The following PCDH9 variants were observed in gnomAD, a reference collection of about 807,000 sequenced individuals.
PCDH9 encodes protocadherin 9.
In PCDH9, 24 loss-of-function variants were observed where a neutral mutation model predicts 70.6. That is an observed-to-expected ratio of 0.34 (90% CI 0.25 to 0.48). The LOEUF is 0.48. PCDH9 is among the 20% of genes least tolerant of loss of function. The pLI is 0.99. For missense variants in PCDH9, 1,281 were observed against 1,503.6 expected, an observed-to-expected ratio of 0.85 and a Z score of 2.45; for synonymous variants, 562 against 558.5, an observed-to-expected ratio of 1.01 and a Z score of -0.09.
chr13:66,840,583 C>A (rs1374668284), intron 3 of PCDH9, among the ~76,000 whole-genome samples: 2 of 152,124 alleles, frequency 1.3e-5, no homozygotes, highest in Non-Finnish European at 2.9e-5. Context: ...TAAATAACTA[C>A]CAGAATTTTA....
At chr13:66,841,164 T>C (rs1228114405) in intron 3 of PCDH9, among the ~76,000 whole-genome samples, 1 of 152,222 alleles carries the variant, frequency 6.6e-6, no homozygotes, top group Non-Finnish European at 1.5e-5. Flanking sequence ...AAAAGACAGA[T>C]AGCTTTAAAA....
chr13:66,619,469 A>T (rs559290989), intron 4 of PCDH9, among the ~76,000 whole-genome samples: 3 of 152,300 alleles, frequency 2.0e-5, no homozygotes, highest in African/African-American at 7.2e-5. Context: ...TTAAGTGTGT[A>T]ACACTGATTT....
At chr13:66,788,396 A>G (rs2080112015) in intron 3 of PCDH9, among the ~76,000 whole-genome samples, 1 of 152,186 alleles carries the variant, frequency 6.6e-6, no homozygotes, top group Non-Finnish European at 1.5e-5. Context: ...ACCTTGGGTA[A>G]GTTATATGAT....
At chr13:66,366,787 TG>T (rs1340493297) in intron 4 of PCDH9, among the ~76,000 whole-genome samples, 1 of 152,074 alleles carries the variant, frequency 6.6e-6, no homozygotes, top group African/African-American at 2.4e-5. Context: ...AATAAATAAT[TG>T]ATTTCATTAT....
intron 2 of PCDH9, among the ~76,000 whole-genome samples, chr13:67,008,504 C>G (rs2084394863): frequency 6.6e-6 from 1 of 152,074 alleles, no homozygotes; most frequent in South Asian, 2.1e-4. Flanking sequence ...CCTCTTTACC[C>G]CACTGGCTAC....
At chr13:67,224,691 C>A (rs1233517524) in intron 2 of PCDH9, 2 of 399,046 alleles carry the variant, frequency 5.0e-6, no homozygotes, top group South Asian at 2.1e-4. Context: ...TGGATTCATT[C>A]TTTTCTTTTT....
At position 66,387,542 on chromosome 13, in the gene PCDH9, G is replaced by GT. The variant is rs1354367104; in HGVS notation, c.3341-82515dup. Among the ~76,000 whole-genome samples, 633 of 131,490 alleles carry GT rather than the reference G, an allele frequency of 4.8e-3. 20 individuals carry two copies. In the East Asian group the frequency reaches 0.072, roughly 15 times the overall value. The allele number at this position is 131,490 out of a possible 152,430, so 86.3% of individuals were successfully genotyped here. ...CTCTTATTTCCCACATGATCTGGTG[G>GT]TAAAAAAAAAAAAAAAAAAAGTCCA... is the stretch of plus-strand genomic sequence containing the variant. On this transcript the variant is annotated intron_variant, in intron 4 of 4. Coordinates refer to ENST00000377865, the MANE Select transcript of PCDH9 (RefSeq NM_203487.3).
At chr13:66,712,512 T>TA (rs920361404) in intron 3 of PCDH9, among the ~76,000 whole-genome samples, 35 of 152,018 alleles carry the variant, frequency 2.3e-4, no homozygotes, top group African/African-American at 6.7e-4. Flanking sequence ...TGAGAAAATT[T>TA]AAAAAAAACT....
intron 4 of PCDH9, among the ~76,000 whole-genome samples, chr13:66,348,931 G>A (rs188257526): frequency 3.0e-4 from 45 of 151,984 alleles, no homozygotes; most frequent in African/African-American, 8.0e-4. Context: ...CCCTTGTGTC[G>A]TGGGAATTTT....
chr13:67,166,839 T>C lies in PCDH9; in HGVS notation c.3036+58566A>G, dbSNP rs77316774. Among the ~76,000 whole-genome samples, 22 of 152,282 alleles carry C rather than the reference T, an allele frequency of 1.4e-4. No individual in the cohort carries two copies. In the East Asian group the frequency reaches 4.2e-3, roughly 29 times the overall value. On this transcript the variant is annotated intron_variant, in intron 2 of 4. Transcript: ENST00000377865. Reference sequence around the variant, plus strand: ...TGTCTGGCTAAAAGACCATCACTTGTTTATCCTTTTTTTGACTATCTGGAA... The same window carrying C: ...TGTCTGGCTAAAAGACCATCACTTGCTTATCCTTTTTTTGACTATCTGGAA...
intron 4 of PCDH9, among the ~76,000 whole-genome samples, chr13:66,609,335 A>G (rs549460550): frequency 6.6e-6 from 1 of 152,286 alleles, no homozygotes; most frequent in Non-Finnish European, 1.5e-5. Flanking sequence ...TAATATAAAT[A>G]TATTTCTTTT....
chr13:66,601,589 C>A (rs2077166169), intron 4 of PCDH9, among the ~76,000 whole-genome samples: 1 of 146,210 alleles, frequency 6.8e-6, no homozygotes, highest in Non-Finnish European at 1.5e-5. Flanking sequence ...TGACTGTCAT[C>A]ATTAGTATCA....
At chr13:66,513,302 T>C (rs1210851333) in intron 4 of PCDH9, among the ~76,000 whole-genome samples, 1 of 151,988 alleles carries the variant, frequency 6.6e-6, no homozygotes, top group African/African-American at 2.4e-5. Context: ...TGAAAACTTT[T>C]ACAAAATGTC....
chr13:67,191,105 T>C (rs533185633), intron 2 of PCDH9, among the ~76,000 whole-genome samples: 1 of 152,104 alleles, frequency 6.6e-6, no homozygotes, highest in Non-Finnish European at 1.5e-5. Flanking sequence ...TCATGATGAA[T>C]GTCTTGAAGA....
chr13:67,000,291 G>T (rs182756633), intron 2 of PCDH9, among the ~76,000 whole-genome samples: 25,797 of 145,770 alleles, frequency 0.18, 2,379 homozygotes, highest in Middle Eastern at 0.24. Flanking sequence ...ATGAGAACAC[G>T]TGGACACAGG....
chr13:67,084,953 C>A (rs2086065780), intron 2 of PCDH9, among the ~76,000 whole-genome samples: 1 of 88,260 alleles, frequency 1.1e-5, no homozygotes, highest in African/African-American at 4.7e-5. Context: ...GGTGACAGAG[C>A]AAGATGCTGT....
intron 3 of PCDH9, among the ~76,000 whole-genome samples, chr13:66,639,228 T>C (rs2077678580): frequency 6.6e-6 from 1 of 152,230 alleles, no homozygotes; most frequent in African/African-American, 2.4e-5. Context: ...AGGATAGAGC[T>C]GTCAGCTTTT....
At chr13:66,491,142 C>T (rs1357944923) in intron 4 of PCDH9, among the ~76,000 whole-genome samples, 2 of 152,136 alleles carry the variant, frequency 1.3e-5, no homozygotes, top group Non-Finnish European at 2.9e-5. Flanking sequence ...ATAGGCACTT[C>T]TTTTGCCTCC....
At position 66,903,545 on chromosome 13, in the gene PCDH9, T is replaced by C. The variant is rs376721149; in HGVS notation, c.3097A>G (p.Thr1033Ala). 53 of 1,584,154 alleles carry C rather than the reference T, an allele frequency of 3.3e-5. No individual in the cohort carries two copies. In the African/African-American group the frequency reaches 6.8e-4, roughly 20 times the overall value. ...PVTPQKCPSSTGFHIQENEES... is the reference protein window; with the variant it reads ...PVTPQKCPSSAGFHIQENEES... ...TCATTCTCCTGAATGTGGAAACCCG[T>C]GGAGCTGGGACATTTCTGAGGAGTG... is the stretch of plus-strand genomic sequence containing the variant. Residue 1033 changes from threonine (T) to alanine (A), a missense_variant, in exon 3 of 5, where the codon ACG becomes GCG. Coordinates refer to ENST00000377865, the MANE Select transcript of PCDH9 (RefSeq NM_203487.3).
Sources: gnomAD v4.1 joint callset for allele counts (sites outside exome capture counted in the v4.1 genomes callset) on GRCh38, gnomAD v4.1.1 for gene constraint, MANE v1.5 for transcripts, NCBI Gene and HGNC (gene_info 2026-07-23, HGNC 2026-07-21) for gene names.